Variants in SNRPN observed in about 807,000 individuals in gnomAD.
The protein encoded by SNRPN is small nuclear ribonucleoprotein polypeptide N.
In SNRPN, 7 loss-of-function variants were observed where a neutral mutation model predicts 25.2. The ratio of observed to expected loss-of-function variants is 0.28; its 90% CI spans 0.16 to 0.52. The LOEUF (loss-of-function observed/expected upper bound fraction) is 0.52, where lower values mean the gene tolerates loss of function less well. SNRPN is among the 20% of genes least tolerant of loss of function. The pLI is 0.96. For synonymous variants in SNRPN, 124 were observed against 110.6 expected (o/e 1.12, Z -0.76); for missense variants, 196 against 322.5 (o/e 0.61, Z 3.00).
intron 3 of SNRPN, among the ~76,000 whole-genome samples, chr15:24,941,934 T>C (rs892239688): frequency 6.6e-6 from 1 of 152,028 alleles, no homozygotes; most frequent in Non-Finnish European, 1.5e-5. Context: ...TGCCTGCCAC[T>C]GTGCCCAGCT....
intron 2 of SNRPN, among the ~76,000 whole-genome samples, chr15:24,837,727 T>TA (rs2051339418): frequency 2.7e-5 from 4 of 148,658 alleles, no homozygotes; most frequent in Non-Finnish European, 4.5e-5. Flanking sequence ...AATAACTCTT[T>TA]AAATTTTTTT....
rs573573776 is a variant in SNRPN, at chr15:24,974,462, C to A, written c.3+6C>A. ...TTGGTGGAACAGCAATCATGGTAAGCTGTATGATAAGGCTGAGGGTTGAAA... is the reference window on the plus strand; with the variant it reads ...TTGGTGGAACAGCAATCATGGTAAGATGTATGATAAGGCTGAGGGTTGAAA... On this transcript the variant is annotated splice_donor_region_variant and intron_variant, in intron 4 of 9. Transcript: ENST00000390687. 4 of 1,613,596 alleles carry A rather than the reference C, an allele frequency of 2.5e-6. No homozygotes were observed. The South Asian group carries it at 4.4e-5, about 18-fold the overall frequency.
rs1481606366 is a variant in SNRPN, at chr15:24,863,119, T to A, written c.-579+6403T>A. ...TTGGAACAAGTAAGAATAGTCCTTG[T>A]TTGATGGGAAGGAGCAGTAGCATTA... On this transcript the variant is annotated intron_variant, in intron 1 of 11. Coordinates refer to the SNRPN transcript ENST00000400097. 2.7e-5 allele frequency among the ~76,000 whole-genome samples: 4 copies of A among 150,594 alleles called. 1 individual carries two copies. Among genetic ancestry groups the A allele is most frequent in the African/African-American group, 1.0e-4 (4 of 40,138 alleles).
At chr15:24,886,098 T>C (rs1197461404) in intron 1 of SNRPN, among the ~76,000 whole-genome samples, 2 of 152,136 alleles carry the variant, frequency 1.3e-5, no homozygotes, top group African/African-American at 4.8e-5. Context: ...TCCATGCACT[T>C]TCTTGTAAAA....
At chr15:24,977,119 TA>T in intron 7 of SNRPN, 90 bp downstream of exon 7, 1 of 1,053,052 alleles carries the variant, frequency 9.5e-7, no homozygotes, top group Non-Finnish European at 1.3e-6. Flanking sequence ...GTATGTGTCA[TA>T]CAATGTAAAC....
At chr15:24,961,407 T>C (rs2074784022) in intron 1 of SNRPN, among the ~76,000 whole-genome samples, 1 of 152,216 alleles carries the variant, frequency 6.6e-6, no homozygotes, top group Admixed American at 6.5e-5. Context: ...AAGGTCCTGC[T>C]GACCTTTCTG....
intron 1 of SNRPN, among the ~76,000 whole-genome samples, chr15:24,885,006 C>G (rs2057067672): frequency 6.6e-6 from 1 of 152,046 alleles, no homozygotes; most frequent in Non-Finnish European, 1.5e-5. Flanking sequence ...AGTGTCTTGT[C>G]TATGTAAAGA....
rs557418874 is a variant in SNRPN at position 24,974,363 on chromosome 15, C to T, written c.-91C>T. 20 of 1,200,284 alleles carry T rather than the reference C, an allele frequency of 1.7e-5. No homozygotes were observed. The African/African-American group carries it at 2.5e-4, about 15-fold the overall frequency. The allele number at this position is 1,200,284 out of a possible 1,614,324, so 74.4% of individuals were successfully genotyped here. A position where few individuals can be genotyped will look rare whatever the true frequency, so the allele number is the denominator to read the frequency against. The stretch of plus-strand genomic sequence containing the variant: ...CCAGCTTGCATTGTTTCTAGGAGAA[C>T]CTGCGTCATACCTTTATCTATAGCC... On this transcript the variant is annotated 5_prime_UTR_variant, in exon 4 of 10. Coordinates refer to ENST00000390687, the MANE Select transcript of SNRPN (RefSeq NM_003097.6).
intron 2 of SNRPN, among the ~76,000 whole-genome samples, chr15:24,896,813 T>G (rs2058108547): frequency 1.3e-5 from 2 of 152,194 alleles, no homozygotes; most frequent in South Asian, 4.1e-4. Context: ...CCATGAATTC[T>G]ATAGCCATTG....
chr15:24,911,705 A>C (rs900308266), intron 2 of SNRPN, among the ~76,000 whole-genome samples: 2 of 152,216 alleles, frequency 1.3e-5, no homozygotes, highest in Admixed American at 1.3e-4. Flanking sequence ...GCCTTGAAGA[A>C]TGCCTCAGGG....
intron 3 of SNRPN, among the ~76,000 whole-genome samples, chr15:24,925,763 A>G (rs2060337459): frequency 6.7e-6 from 1 of 148,612 alleles, no homozygotes; most frequent in Non-Finnish European, 1.5e-5. Flanking sequence ...TTTTTTTGAG[A>G]CAGAGTCTCG....
chr15:24,976,352 G>T lies in SNRPN; in HGVS notation c.203G>T (p.Gly68Val). The T allele has an allele frequency of 6.2e-7, 1 of 1,613,554 alleles. No individual in the cohort carries two copies. The highest frequency in any genetic ancestry group is 8.5e-7 in the Non-Finnish European group (1 of 1,179,906). Reference sequence around the variant, plus strand: ...GAGCGTGAAGAAAAGCGGGTTTTGGGTCTGGTGTTGCTGCGTGGGGAGAAC... The same window carrying T: ...GAGCGTGAAGAAAAGCGGGTTTTGGTTCTGGTGTTGCTGCGTGGGGAGAAC... The part of the protein sequence containing the change: ...QPEREEKRVL[G>V]LVLLRGENLV... The change falls in exon 6 of 10, where the codon GGT (glycine) becomes GTT (valine). Residue 68 changes from glycine to valine, a missense_variant. Coordinates refer to ENST00000390687, the MANE Select transcript of SNRPN (RefSeq NM_003097.6).
At chr15:24,858,594 A>T (rs967024148) in intron 1 of SNRPN, among the ~76,000 whole-genome samples, 4 of 151,956 alleles carry the variant, frequency 2.6e-5, no homozygotes, top group Non-Finnish European at 5.9e-5. Context: ...CAGGAGTTTG[A>T]TACTAGCCTG....
chr15:24,930,330 ATAT>A (rs2060728368), intron 3 of SNRPN, among the ~76,000 whole-genome samples: 1 of 151,640 alleles, frequency 6.6e-6, no homozygotes, highest in South Asian at 2.1e-4. Flanking sequence ...ATGGAGAAAT[ATAT>A]TATTTTACAT....
upstream of SNRPN, among the ~76,000 whole-genome samples, chr15:24,953,266 T>G (rs2062420987): frequency 1.3e-5 from 2 of 152,210 alleles, no homozygotes; most frequent in Admixed American, 1.3e-4. Context: ...CACTGGACTA[T>G]AATGGTGTGT....
chr15:24,867,229 G>A (rs972402570), intron 1 of SNRPN, among the ~76,000 whole-genome samples: 2 of 152,008 alleles, frequency 1.3e-5, no homozygotes, highest in Non-Finnish European at 2.9e-5. Context: ...TGGCTGTACC[G>A]ATTAACATTC....
intron 1 of SNRPN, among the ~76,000 whole-genome samples, chr15:24,873,559 T>C (rs1035800655): frequency 2.0e-5 from 3 of 151,294 alleles, no homozygotes; most frequent in African/African-American, 7.3e-5. Context: ...ACCATTCTCC[T>C]GCCTCAGCCT....
chr15:24,920,942 C>A (rs35207533), intron 3 of SNRPN, among the ~76,000 whole-genome samples: 5 of 151,984 alleles, frequency 3.3e-5, no homozygotes, highest in African/African-American at 1.2e-4. Flanking sequence ...GGAGAGTTAC[C>A]CAGGTGTAGT....
intron 3 of SNRPN, among the ~76,000 whole-genome samples, chr15:24,949,685 C>T (rs1035040301): frequency 6.6e-5 from 10 of 152,054 alleles, no homozygotes. Flanking sequence ...TAATATGTGG[C>T]CTTTTTCTGT....
Sources: gnomAD v4.1 joint callset for allele counts (sites outside exome capture counted in the v4.1 genomes callset) on GRCh38, gnomAD v4.1.1 for gene constraint, MANE v1.5 for transcripts, NCBI Gene and HGNC (gene_info 2026-07-23, HGNC 2026-07-21) for gene names.